Variants in PTPRK observed in about 807,000 individuals in gnomAD.
PTPRK encodes receptor-type tyrosine-protein phosphatase kappa.
A neutral mutation model predicts 178.0 loss-of-function variants in PTPRK; 75 were observed. That is an observed-to-expected ratio of 0.42 (90% CI 0.35 to 0.51). PTPRK has a LOEUF of 0.51. Among genes scored for constraint, PTPRK ranks in the 20% least tolerant of loss-of-function variants. The pLI, the probability that PTPRK is intolerant of heterozygous loss-of-function variation, is 0.02. For missense variants in PTPRK, 1,441 were observed against 1,797.8 expected, an observed-to-expected ratio of 0.80 and a Z score of 3.59; for synonymous variants, 637 against 620.6, an observed-to-expected ratio of 1.03 and a Z score of -0.39.
intron 1 of PTPRK, among the ~76,000 whole-genome samples, chr6:128,486,058 G>A (rs2128426322): frequency 6.6e-6 from 1 of 152,152 alleles, no homozygotes; most frequent in South Asian, 2.1e-4. Context: ...TAAAATGTAT[G>A]TTCATTAAAT....
intron 25 of PTPRK, among the ~76,000 whole-genome samples, chr6:127,980,650 G>A (rs1349498375): frequency 6.6e-6 from 1 of 152,062 alleles, no homozygotes; most frequent in African/African-American, 2.4e-5. Context: ...CCCCTCTCTA[G>A]TTACTTATAA....
At chr6:128,443,026 C>T (rs1846481953) in intron 1 of PTPRK, among the ~76,000 whole-genome samples, 1 of 151,142 alleles carries the variant, frequency 6.6e-6, no homozygotes, top group Admixed American at 6.6e-5. Flanking sequence ...AATTGGTTAC[C>T]ATCTTAAAAT....
intron 3 of PTPRK, among the ~76,000 whole-genome samples, chr6:128,278,750 T>C (rs1406563103): frequency 6.6e-6 from 1 of 152,142 alleles, no homozygotes; most frequent in African/African-American, 2.4e-5. Context: ...CACACAAGAC[T>C]ATAAAAAACA....
intron 11 of PTPRK, among the ~76,000 whole-genome samples, chr6:128,073,588 T>C (rs1783231249): frequency 6.6e-6 from 1 of 151,984 alleles, no homozygotes; most frequent in Non-Finnish European, 1.5e-5. Context: ...ACAGCTTCAG[T>C]GGGTCAGGAA....
In PTPRK at chr6:127,995,516, CA is replaced by C; in HGVS notation, c.2789del (p.Leu930CysfsTer4). ...IIAYDHSRVI[L>X]QPVEDDPSSD... ...AGGAAGGATCATCCTCTACGGGTTGCAAAATCACTCTGGAGTGATCATCTAA... is the reference window on the plus strand; with the variant it reads ...AGGAAGGATCATCCTCTACGGGTTGCAAATCACTCTGGAGTGATCATCTAA... On this transcript the variant is annotated frameshift_variant, in exon 18 of 30. Coordinates refer to ENST00000368226, the MANE Select transcript of PTPRK (RefSeq NM_002844.4). LOFTEE classifies it high-confidence loss of function. 2 of 1,595,650 alleles carry C rather than the reference CA, an allele frequency of 1.3e-6. No individual in the cohort carries two copies. Among genetic ancestry groups the C allele is most frequent in the South Asian group, 1.1e-5 (1 of 89,032 alleles).
chr6:128,005,491 T>C (rs1427973388), intron 14 of PTPRK, among the ~76,000 whole-genome samples: 1 of 151,352 alleles, frequency 6.6e-6, no homozygotes, highest in Non-Finnish European at 1.5e-5. Flanking sequence ...CTCTCATCAT[T>C]TCCTGTTCTC....
chr6:128,383,354 T>C (rs1838220097), intron 2 of PTPRK, among the ~76,000 whole-genome samples: 1 of 152,182 alleles, frequency 6.6e-6, no homozygotes, highest in South Asian at 2.1e-4. Context: ...AGTAGAATAT[T>C]ATTATAGTGT....
At chr6:128,304,410 AT>A (rs1826075860) in intron 3 of PTPRK, among the ~76,000 whole-genome samples, 1 of 152,200 alleles carries the variant, frequency 6.6e-6, no homozygotes, top group Admixed American at 6.5e-5. Flanking sequence ...GATGTAAAGG[AT>A]AAAAATACAC....
chr6:128,276,621 A>C (rs758064569), intron 3 of PTPRK, among the ~76,000 whole-genome samples: 1 of 152,156 alleles, frequency 6.6e-6, no homozygotes, highest in African/African-American at 2.4e-5. Context: ...TCCCAGTGTA[A>C]TGTGATTCAG....
At chr6:128,343,224 C>A (rs528537374) in intron 2 of PTPRK, among the ~76,000 whole-genome samples, 1 of 151,930 alleles carries the variant, frequency 6.6e-6, no homozygotes, top group African/African-American at 2.4e-5. Context: ...AAGAATCAGC[C>A]GGGCGCAGTG....
intron 1 of PTPRK, among the ~76,000 whole-genome samples, chr6:128,444,670 G>C (rs1846707988): frequency 1.3e-5 from 2 of 152,150 alleles, no homozygotes; most frequent in Admixed American, 6.5e-5. Context: ...TGGTAAGTAA[G>C]AAATAATGAC....
At chr6:128,255,980 A>G (rs1464535200) in intron 3 of PTPRK, among the ~76,000 whole-genome samples, 1 of 152,232 alleles carries the variant, frequency 6.6e-6, no homozygotes, top group Non-Finnish European at 1.5e-5. Context: ...CAAAAATATA[A>G]GCCTGTATAA....
Position 128,013,127 on chromosome 6 carries a change from A to G in PTPRK, c.2195-3859T>C, listed in dbSNP as rs1390239763. On this transcript the variant is annotated intron_variant, in intron 13 of 29. Transcript: ENST00000368226. The stretch of plus-strand genomic sequence containing the variant: ...TTAATAGCATGTGACATTCCTGTCT[A>G]CTCCCTCTTTCTTGGAACACCCTTT... Among the ~76,000 whole-genome samples the G allele has an allele frequency of 1.1e-4, 17 of 150,960 alleles. No homozygotes were observed. In the Admixed American group the frequency reaches 1.1e-3, roughly 10 times the overall value.
intron 7 of PTPRK, among the ~76,000 whole-genome samples, chr6:128,181,682 T>C (rs1801934911): frequency 6.6e-6 from 1 of 152,042 alleles, no homozygotes; most frequent in Non-Finnish European, 1.5e-5. Flanking sequence ...ATAAACTGTG[T>C]TCTATTTTGT....
chr6:128,145,487 G>C (rs981842752), intron 7 of PTPRK, among the ~76,000 whole-genome samples: 1 of 151,880 alleles, frequency 6.6e-6, no homozygotes, highest in African/African-American at 2.4e-5. Context: ...ATTTACAAAG[G>C]GATCTGAGTT....
chr6:127,987,036 A>C (rs1467804329), intron 21 of PTPRK, among the ~76,000 whole-genome samples: 1 of 152,098 alleles, frequency 6.6e-6, no homozygotes, highest in East Asian at 1.9e-4. Context: ...AAGGTCAAAA[A>C]TTGTTTCATG....
intron 1 of PTPRK, among the ~76,000 whole-genome samples, chr6:128,451,308 A>C (rs1847762385): frequency 6.6e-6 from 1 of 152,210 alleles, no homozygotes; most frequent in Admixed American, 6.5e-5. Flanking sequence ...AACTACAAAA[A>C]ACACCAATCT....
intron 13 of PTPRK, among the ~76,000 whole-genome samples, chr6:128,019,017 G>A (rs2114753787): frequency 6.6e-6 from 1 of 152,222 alleles, no homozygotes; most frequent in South Asian, 2.1e-4. Flanking sequence ...GCATCATACT[G>A]CAATACATAC....
chr6:128,215,367 T>C (rs1809086865), intron 6 of PTPRK, among the ~76,000 whole-genome samples: 1 of 152,182 alleles, frequency 6.6e-6, no homozygotes, highest in Admixed American at 6.5e-5. Context: ...GCTTGGTGCA[T>C]TCAGTTTGAA....
Sources: gnomAD v4.1 joint callset for allele counts (sites outside exome capture counted in the v4.1 genomes callset) on GRCh38, gnomAD v4.1.1 for gene constraint, MANE v1.5 for transcripts, NCBI Gene and HGNC (gene_info 2026-07-23, HGNC 2026-07-21) for gene names.